Variants in NELL1 observed in about 807,000 individuals in gnomAD.
NELL1 encodes the protein neural EGFL like 1.
NELL1 carries 76 observed loss-of-function variants against 107.4 expected under a neutral mutation model. That is an observed-to-expected ratio of 0.71 (90% CI 0.59 to 0.86). The LOEUF (loss-of-function observed/expected upper bound fraction) is 0.86. NELL1 is among the 40% of genes least tolerant of loss of function. NELL1 has a pLI of 0.00. For synonymous variants in NELL1, 353 were observed against 341.2 expected, an observed-to-expected ratio of 1.03 and a Z score of -0.38; for missense variants, 1,024 against 1,005.5, an observed-to-expected ratio of 1.02 and a Z score of -0.25.
chr11:21,490,116 C>T (rs1854761973), intron 15 of NELL1, among the ~76,000 whole-genome samples: 1 of 151,784 alleles, frequency 6.6e-6, no homozygotes, highest in Non-Finnish European at 1.5e-5. Context: ...AATTAATATA[C>T]AAAAATCAGT....
At chr11:20,992,147 G>T (rs1851989619) in intron 12 of NELL1, among the ~76,000 whole-genome samples, 1 of 152,048 alleles carries the variant, frequency 6.6e-6, no homozygotes, top group Admixed American at 6.5e-5. Context: ...TGTAAACAGG[G>T]CTTCTAAGAT....
intron 13 of NELL1, among the ~76,000 whole-genome samples, chr11:21,146,814 G>T (rs193195562): frequency 2.2e-5 from 1 of 45,126 alleles, no homozygotes; most frequent in African/African-American, 7.5e-5. Context: ...AGGCCAAGGT[G>T]GGGGGGATCA....
chr11:20,814,805 G>C (rs1857587619), intron 3 of NELL1, among the ~76,000 whole-genome samples: 1 of 151,960 alleles, frequency 6.6e-6, no homozygotes. Context: ...GTTTTTGTTT[G>C]GATATATACC....
At chr11:21,171,948 A>G (rs886177244) in intron 13 of NELL1, among the ~76,000 whole-genome samples, 2 of 151,858 alleles carry the variant, frequency 1.3e-5, no homozygotes, top group African/African-American at 4.9e-5. Context: ...TCTTCTTATG[A>G]CTTTTGCAAT....
At chr11:20,677,676 A>C (rs1167404261) in intron 1 of NELL1, among the ~76,000 whole-genome samples, 1 of 152,018 alleles carries the variant, frequency 6.6e-6, no homozygotes, top group African/African-American at 2.4e-5. Flanking sequence ...TCTGAACTAT[A>C]TTTAACCCCA....
chr11:20,756,986 G>T, intron 2 of NELL1, among the ~76,000 whole-genome samples: 1 of 152,088 alleles, frequency 6.6e-6, no homozygotes, highest in Admixed American at 6.5e-5. Flanking sequence ...AGACTGTTCA[G>T]ACTGGAAGAG....
intron 12 of NELL1, among the ~76,000 whole-genome samples, chr11:21,094,724 T>A (rs2090399): frequency 0.25 from 37,298 of 152,140 alleles, 5,046 homozygotes; most frequent in African/African-American, 0.34. Flanking sequence ...GCTTCTTTCA[T>A]CGGTGGCTGA....
chr11:20,798,575 T>C (rs530057391), intron 3 of NELL1, among the ~76,000 whole-genome samples: 16 of 152,320 alleles, frequency 1.1e-4, no homozygotes, highest in African/African-American at 3.6e-4. Flanking sequence ...GTAACATGCA[T>C]TCGTTCATTT....
At chr11:21,306,122 A>T (rs149116340) in intron 14 of NELL1, among the ~76,000 whole-genome samples, 1 of 151,946 alleles carries the variant, frequency 6.6e-6, no homozygotes, top group Non-Finnish European at 1.5e-5. Flanking sequence ...TGCTCATGCC[A>T]TTGGATATTT....
intron 1 of NELL1, among the ~76,000 whole-genome samples, chr11:20,675,673 A>G (rs1854036675): frequency 6.6e-6 from 1 of 152,178 alleles, no homozygotes; most frequent in African/African-American, 2.4e-5. Context: ...CCCTCCAATT[A>G]TATCTCAGAA....
chr11:20,800,782 C>T (rs1774150325), intron 3 of NELL1, among the ~76,000 whole-genome samples: 1 of 152,126 alleles, frequency 6.6e-6, no homozygotes. Flanking sequence ...AAAATGCAGC[C>T]TGCAGGGCAG....
chr11:21,192,490 A>G (rs1270117033), intron 13 of NELL1, among the ~76,000 whole-genome samples: 1 of 151,932 alleles, frequency 6.6e-6, no homozygotes, highest in African/African-American at 2.4e-5. Flanking sequence ...CAGTAAGTGT[A>G]TGTGTATGCA....
intron 14 of NELL1, among the ~76,000 whole-genome samples, chr11:21,322,724 CA>C (rs1235704200): frequency 3.9e-5 from 6 of 152,006 alleles, no homozygotes; most frequent in African/African-American, 1.4e-4. Flanking sequence ...ACCAGACTTC[CA>C]GGAAGAGTTT....
chr11:21,165,836 C>A (rs1215009736), intron 13 of NELL1, among the ~76,000 whole-genome samples: 1 of 140,184 alleles, frequency 7.1e-6, no homozygotes. Flanking sequence ...GATCTTGGGT[C>A]ACTGCAACCT....
chr11:21,544,227 A>T (rs1327713877), intron 16 of NELL1, among the ~76,000 whole-genome samples: 1 of 152,054 alleles, frequency 6.6e-6, no homozygotes, highest in Non-Finnish European at 1.5e-5. Flanking sequence ...TTGGGATGTT[A>T]TTATAAGTAT....
intron 15 of NELL1, among the ~76,000 whole-genome samples, chr11:21,466,886 T>C (rs953543760): frequency 6.6e-6 from 1 of 151,844 alleles, no homozygotes; most frequent in Admixed American, 6.6e-5. Context: ...TGAAGACTTG[T>C]CCCGTATCTC....
At chr11:20,743,128 G>T (rs931306861) in intron 2 of NELL1, among the ~76,000 whole-genome samples, 1 of 152,042 alleles carries the variant, frequency 6.6e-6, no homozygotes, top group African/African-American at 2.4e-5. Context: ...CTAGGCAGGT[G>T]TATCACTTAA....
At chr11:20,909,217 G>T (rs1850071391) in intron 5 of NELL1, among the ~76,000 whole-genome samples, 1 of 152,196 alleles carries the variant, frequency 6.6e-6, no homozygotes, top group Admixed American at 6.5e-5. Flanking sequence ...CAGAGTTTTT[G>T]TTGAGGCAAT....
chr11:21,489,180 G>A (rs2133912296), intron 15 of NELL1, among the ~76,000 whole-genome samples: 1 of 151,540 alleles, frequency 6.6e-6, no homozygotes, highest in South Asian at 2.1e-4. Flanking sequence ...AAAACATAGA[G>A]GAAATGGATA....
Sources: gnomAD v4.1 joint callset for allele counts (sites outside exome capture counted in the v4.1 genomes callset) on GRCh38, gnomAD v4.1.1 for gene constraint, MANE v1.5 for transcripts, NCBI Gene and HGNC (gene_info 2026-07-23, HGNC 2026-07-21) for gene names.